The following TRAPPC9 variants were observed in gnomAD, a reference collection of about 807,000 sequenced individuals.
TRAPPC9 encodes IKK2 binding protein.
A neutral mutation model predicts 124.0 loss-of-function variants in TRAPPC9; 83 were observed. That is an observed-to-expected ratio of 0.67 (90% confidence interval 0.56 to 0.80). The LOEUF is 0.80. TRAPPC9 is among the 30% of genes least tolerant of loss of function. TRAPPC9 has a pLI of 0.00. For synonymous variants in TRAPPC9, 638 were observed against 617.5 expected, an observed-to-expected ratio of 1.03 and a Z score of -0.49; for missense variants, 1,302 against 1,508.3, an observed-to-expected ratio of 0.86 and a Z score of 2.27.
intron 21 of TRAPPC9, among the ~76,000 whole-genome samples, chr8:139,754,128 T>C (rs1049282513): frequency 6.6e-6 from 1 of 152,166 alleles, no homozygotes; most frequent in East Asian, 1.9e-4. Context: ...CACCATTAGA[T>C]TGAAACAGCC....
intron 6 of TRAPPC9, among the ~76,000 whole-genome samples, chr8:140,399,251 C>A (rs1488757292): frequency 6.6e-6 from 1 of 152,234 alleles, no homozygotes; most frequent in Non-Finnish European, 1.5e-5. Flanking sequence ...GTTGGAGCCC[C>A]CACACAGAGT....
chr8:140,224,982 C>T (rs988442267), intron 16 of TRAPPC9, among the ~76,000 whole-genome samples: 1 of 152,174 alleles, frequency 6.6e-6, no homozygotes, highest in Non-Finnish European at 1.5e-5. Flanking sequence ...AGTCAAATAA[C>T]CTTCTACAAG....
intron 18 of TRAPPC9, among the ~76,000 whole-genome samples, chr8:139,996,158 C>CAAAAAAAAAAAAAAAAAAAAAAAA: frequency 1.5e-4 from 3 of 19,424 alleles, no homozygotes; most frequent in African/African-American, 2.1e-4. Flanking sequence ...AAAACTTAAG[C>CAAAAAAAAAAAAAAAAAAAAAAAA]AAAAAAAAAA....
chr8:139,789,989 A>G (rs1822541986), intron 21 of TRAPPC9, among the ~76,000 whole-genome samples: 1 of 152,102 alleles, frequency 6.6e-6, no homozygotes, highest in African/African-American at 2.4e-5. Flanking sequence ...TTTGGTGTGG[A>G]TCATCCTTCT....
At chr8:140,007,182 T>A (rs1838815218) in intron 18 of TRAPPC9, among the ~76,000 whole-genome samples, 1 of 152,150 alleles carries the variant, frequency 6.6e-6, no homozygotes, top group Non-Finnish European at 1.5e-5. Context: ...TTACACTGTC[T>A]AATTTGTGCC....
At chr8:140,347,914 G>A (rs1474412900) in intron 9 of TRAPPC9, among the ~76,000 whole-genome samples, 1 of 152,134 alleles carries the variant, frequency 6.6e-6, no homozygotes, top group East Asian at 1.9e-4. Context: ...TTTTGAAATT[G>A]TTCCAGGTTC....
At position 140,324,500 on chromosome 8, in the gene TRAPPC9, G is replaced by A. The variant is rs568103679; in HGVS notation, c.1496-13126C>T. On this transcript the variant is annotated intron_variant, in intron 9 of 22. Transcript: ENST00000438773. ...AAATAAATAAAAGAGGCCAAGCATC[G>A]TGGCTCACATCTGTAATCCCGGCAC... Among the ~76,000 whole-genome samples the A allele has an allele frequency of 1.2e-4, 19 of 152,254 alleles. No homozygotes were observed. In the East Asian group the frequency reaches 2.5e-3, roughly 20 times the overall value.
intron 5 of TRAPPC9, among the ~76,000 whole-genome samples, chr8:140,421,451 A>G (rs1378771855): frequency 1.3e-5 from 2 of 152,154 alleles, no homozygotes; most frequent in Non-Finnish European, 2.9e-5. Flanking sequence ...CAGTGAAAAT[A>G]CCTTTGTATG....
chr8:140,234,981 T>C (rs938480856), intron 16 of TRAPPC9, among the ~76,000 whole-genome samples: 3 of 152,224 alleles, frequency 2.0e-5, no homozygotes, highest in African/African-American at 7.2e-5. Flanking sequence ...TACAATTTTT[T>C]TTTTCTGCGT....
chr8:140,426,630 C>A lies in TRAPPC9; in HGVS notation c.871G>T (p.Val291Phe). ...GATCATGTACCTGGATCAATGAGAA[C>A]TTCCTGTGCCCCTGGAAGAAAGAAC... ...ANRHRPGAQE[V>F]LIDPGALTTN... Residue 291 changes from valine (V) to phenylalanine (F), a missense_variant, in exon 5 of 23, where the codon GTT (valine) becomes TTT (phenylalanine). Physicochemically the swap from Val to Phe is conservative, Grantham distance 50. Around this residue, in one of 3 missense-constraint regions of TRAPPC9, gnomAD observed 657 missense variants for 811.2 expected, o/e 0.81. Transcript: ENST00000438773. 6.2e-7 allele frequency: 1 copy of A among 1,613,880 alleles called. No homozygotes were observed. The highest frequency in any genetic ancestry group is 8.5e-7 in the Non-Finnish European group (1 of 1,179,890).
intron 21 of TRAPPC9, among the ~76,000 whole-genome samples, chr8:139,752,041 A>C (rs1819344301): frequency 6.7e-6 from 1 of 148,636 alleles, no homozygotes; most frequent in Non-Finnish European, 1.5e-5. Flanking sequence ...TCATCCATTC[A>C]CCCATCCATC....
intron 19 of TRAPPC9, among the ~76,000 whole-genome samples, chr8:139,923,832 A>G (rs1163534266): frequency 1.3e-5 from 2 of 152,220 alleles, no homozygotes; most frequent in East Asian, 1.9e-4. Flanking sequence ...AAATGCCCCC[A>G]TTTTGTTAAC....
intron 20 of TRAPPC9, among the ~76,000 whole-genome samples, chr8:139,893,349 G>A (rs1481443822): frequency 6.6e-6 from 1 of 152,180 alleles, no homozygotes; most frequent in Non-Finnish European, 1.5e-5. Context: ...TCTTCTACCT[G>A]GCAGACTCCT....
intron 18 of TRAPPC9, among the ~76,000 whole-genome samples, chr8:139,989,642 C>T (rs1837495410): frequency 6.6e-6 from 1 of 152,292 alleles, no homozygotes; most frequent in Admixed American, 6.5e-5. Context: ...GCTCAGTAAC[C>T]ATCAGGGACA....
At chr8:139,874,982 G>A (rs1195891583) in intron 21 of TRAPPC9, among the ~76,000 whole-genome samples, 3 of 152,232 alleles carry the variant, frequency 2.0e-5, no homozygotes, top group African/African-American at 4.8e-5. Flanking sequence ...GGCATTGGGA[G>A]GAACAGATGA....
At chr8:139,986,354 C>T (rs1837239926) in intron 19 of TRAPPC9, among the ~76,000 whole-genome samples, 1 of 151,978 alleles carries the variant, frequency 6.6e-6, no homozygotes, top group African/African-American at 2.4e-5. Flanking sequence ...ACCATCACCT[C>T]TAAGAAAGAA....
chr8:140,077,059 G>A (rs558965840), intron 17 of TRAPPC9, among the ~76,000 whole-genome samples: 4 of 152,194 alleles, frequency 2.6e-5, no homozygotes, highest in East Asian at 1.9e-4. Flanking sequence ...CCAGCCACTC[G>A]GGAGGCTGAG....
intron 5 of TRAPPC9, among the ~76,000 whole-genome samples, chr8:140,425,600 CAACTAA>C (rs1374858690): frequency 3.3e-5 from 5 of 152,124 alleles, no homozygotes; most frequent in African/African-American, 1.2e-4. Context: ...AATTCTCCTA[CAACTAA>C]TGTGATTGAC....
intron 21 of TRAPPC9, among the ~76,000 whole-genome samples, chr8:139,744,926 A>T (rs1209023922): frequency 3.3e-5 from 5 of 152,246 alleles, no homozygotes; most frequent in Admixed American, 6.5e-5. Context: ...GAGTTCTCTC[A>T]TCGGAGGCTC....
Sources: gnomAD v4.1 joint callset for allele counts (sites outside exome capture counted in the v4.1 genomes callset) on GRCh38, gnomAD v4.1.1 for gene constraint, gnomAD v4.1.1 regional missense constraint, MANE v1.5 for transcripts, NCBI Gene and HGNC (gene_info 2026-07-23, HGNC 2026-07-21) for gene names.